Variants in ADCY1 observed in about 807,000 individuals in gnomAD.
ADCY1 encodes the protein adenylate cyclase 1.
ADCY1 carries 28 observed loss-of-function variants against 105.4 expected under a neutral mutation model. The observed-to-expected ratio is 0.27, with a 90% confidence interval of 0.20 to 0.36. ADCY1 has a LOEUF of 0.36. Among genes scored for constraint, ADCY1 ranks in the 10% least tolerant of loss-of-function variants. ADCY1 has a pLI of 1.00. For missense variants in ADCY1, 977 were observed against 1,434.2 expected (o/e 0.68, Z 5.15); for synonymous variants, 655 against 623.8 (o/e 1.05, Z -0.75).
intron 10 of ADCY1, among the ~76,000 whole-genome samples, chr7:45,679,442 A>G (rs760066017): frequency 3.3e-5 from 5 of 152,246 alleles, no homozygotes; most frequent in Non-Finnish European, 7.3e-5. Context: ...AGCCTAAGCT[A>G]GATCTCTGCG....
rs2115683613 is a variant in ADCY1, at chr7:45,575,818, G to A, written c.639+636G>A. Among the ~76,000 whole-genome samples the A allele has an allele frequency of 6.6e-6, 1 of 152,382 alleles. No individual in the cohort carries two copies. On this transcript the variant is annotated intron_variant, in intron 1 of 19. Transcript: ENST00000297323. This position sits in a 1 kb window ranked among gnomAD's most constrained non-coding sequence, Gnocchi z 4.7. ...GCCACTCGGCGGTTGCCCTGACCCTGCCTTTTCTGCGCCCGAACTTTGTCA... is the reference window on the plus strand; with the variant it reads ...GCCACTCGGCGGTTGCCCTGACCCTACCTTTTCTGCGCCCGAACTTTGTCA...
At chr7:45,660,809 G>A (rs796735513) in intron 7 of ADCY1, among the ~76,000 whole-genome samples, 2 of 150,802 alleles carry the variant, frequency 1.3e-5, no homozygotes, top group Non-Finnish European at 3.0e-5. Flanking sequence ...CTCAGGTGAG[G>A]GATTCAGGGC....
In ADCY1 at chr7:45,589,755, C is replaced by A. The variant is rs191222287; in HGVS notation, c.640-3004C>A. On this transcript the variant is annotated intron_variant, in intron 1 of 19. Coordinates refer to ENST00000297323, the MANE Select transcript of ADCY1 (RefSeq NM_021116.4). ...ACCCAGCCCTACTGAAGTGTCCTTTCTGCAGCAGTCTCTTCTCAACCACCC... is the reference window on the plus strand; with the variant it reads ...ACCCAGCCCTACTGAAGTGTCCTTTATGCAGCAGTCTCTTCTCAACCACCC... Among the ~76,000 whole-genome samples, 54 of 152,058 alleles carry A rather than the reference C, an allele frequency of 3.6e-4. No individual in the cohort carries two copies. In the East Asian group the frequency reaches 0.01, roughly 28 times the overall value.
Position 45,704,556 on chromosome 7 carries a change from C to G in ADCY1, c.2757C>G (p.Ile919Met). The G allele has an allele frequency of 6.2e-7, 1 of 1,614,204 alleles. No homozygotes were observed. The highest frequency in any genetic ancestry group is 8.5e-7 in the Non-Finnish European group (1 of 1,180,028). ...ACTTTTACAAGGACATAGAGAAGAT[C>G]AAGACCATCGGGAGCACCTACATGG... ...EKDFYKDIEK[I>M]KTIGSTYMAA... The change falls in exon 17 of 20, where the codon ATC becomes ATG. Residue 919 changes from isoleucine (I) to methionine (M), a missense_variant. Physicochemically the swap from Ile to Met is conservative, Grantham distance 10. Around this residue, in one of 7 missense-constraint regions of ADCY1, gnomAD observed 152 missense variants for 293.7 expected, o/e 0.52. Coordinates refer to ENST00000297323, the MANE Select transcript of ADCY1 (RefSeq NM_021116.4).
intron 11 of ADCY1, among the ~76,000 whole-genome samples, chr7:45,683,416 C>T (rs374120204): frequency 2.6e-5 from 4 of 152,094 alleles, no homozygotes; most frequent in Admixed American, 1.3e-4. Context: ...GGGAGGATTT[C>T]CCTTCACCAT....
Position 45,681,830 on chromosome 7 carries a change from G to A in ADCY1, c.1983+2037G>A, listed in dbSNP as rs545240954. 7.7e-4 allele frequency among the ~76,000 whole-genome samples: 117 copies of A among 152,306 alleles called. 1 individual carries two copies. The highest frequency in any genetic ancestry group is 2.8e-3 in the African/African-American group (115 of 41,554). ...AGGCCATTGTGGCCTGAGTGGACGCGGTGGGTCATGCAGACGGAGTTAGTT... is the reference window on the plus strand; with the variant it reads ...AGGCCATTGTGGCCTGAGTGGACGCAGTGGGTCATGCAGACGGAGTTAGTT... On this transcript the variant is annotated intron_variant, in intron 11 of 19. Transcript: ENST00000297323.
chr7:45,711,888 A>ATTTATATATTATATTAAATATATAAATAT (rs1785248826), intron 19 of ADCY1, among the ~76,000 whole-genome samples: 1 of 68,006 alleles, frequency 1.5e-5, no homozygotes, highest in African/African-American at 7.5e-5. Context: ...ATATAAATAT[A>ATTTATATATTATATTAAATATATAAATAT]TTTATATATT....
At chr7:45,677,669 G>A (rs113564163) in intron 8 of ADCY1, among the ~76,000 whole-genome samples, 200 bp from the exon 9 acceptor site, 45 of 152,274 alleles carry the variant, frequency 3.0e-4, no homozygotes, top group African/African-American at 1.0e-3. Context: ...GCCATTACAG[G>A]TGTGGGAACC....
intron 8 of ADCY1, 36 bp downstream of exon 8, chr7:45,662,250 G>C: frequency 6.3e-7 from 1 of 1,594,966 alleles, no homozygotes; most frequent in Non-Finnish European, 8.5e-7. Context: ...TGCTGGAGCT[G>C]CCAGGGACTG....
At chr7:45,618,764 G>A (rs1225082236) in intron 3 of ADCY1, among the ~76,000 whole-genome samples, 1 of 152,182 alleles carries the variant, frequency 6.6e-6, no homozygotes, top group Non-Finnish European at 1.5e-5. Flanking sequence ...CCAGTTGGTG[G>A]GAATGTAAAT....
intron 8 of ADCY1, among the ~76,000 whole-genome samples, chr7:45,672,443 C>CA (rs1336344155): frequency 6.9e-6 from 1 of 145,484 alleles, no homozygotes; most frequent in Non-Finnish European, 1.5e-5. Flanking sequence ...TTTGCATGAA[C>CA]GTGGTATGCC....
rs1232964826 is a variant in ADCY1, at chr7:45,714,429, G to A, written c.*434G>A. The stretch of plus-strand genomic sequence containing the variant: ...CTGCGAGAGTGTGCCCTCTGAGACA[G>A]CCCTGTCCGCCCCGCCCAGGTGGGA... On this transcript the variant is annotated 3_prime_UTR_variant, in exon 20 of 20. Transcript: ENST00000297323. 2 of 172,654 alleles carry A rather than the reference G, an allele frequency of 1.2e-5. No individual in the cohort carries two copies. The highest frequency in any genetic ancestry group is 2.5e-5 in the Non-Finnish European group (2 of 80,948). 10.7% of individuals were successfully genotyped at this position (172,654 alleles called of 1,614,324 possible). A position where few individuals can be genotyped will look rare whatever the true frequency, so the allele number is the denominator to read the frequency against.
In ADCY1 at chr7:45,574,683, C is replaced by T. The variant is rs1022292664; in HGVS notation, c.140C>T (p.Ala47Val). 3.6e-6 allele frequency: 5 copies of T among 1,390,096 alleles called. No homozygotes were observed. The African/African-American group carries it at 4.6e-5, about 13-fold the overall frequency. 86.1% of individuals were successfully genotyped at this position (1,390,096 alleles called of 1,614,324 possible). A position where few individuals can be genotyped will look rare whatever the true frequency, so the allele number is the denominator to read the frequency against. The change falls in exon 1 of 20, where the codon GCG becomes GTG. Residue 47 changes from alanine (A) to valine (V), a missense_variant. Coordinates refer to ENST00000297323, the MANE Select transcript of ADCY1 (RefSeq NM_021116.4). This position sits in a 1 kb window ranked among gnomAD's most constrained non-coding sequence, Gnocchi z 7.0. ...DEEFACPELE[A>V]LFRGYTLRLE... ...GAGTTCGCTTGCCCAGAGCTGGAGG[C>T]GCTGTTCCGCGGCTACACGCTGCGG...
Position 45,574,942 on chromosome 7 carries a change from C to T in ADCY1, c.399C>T (p.Phe133=). The T allele has an allele frequency of 6.2e-7, 1 of 1,612,054 alleles. No homozygotes were observed. The highest frequency in any genetic ancestry group is 8.5e-7 in the Non-Finnish European group (1 of 1,179,770). ...GQLALLFSLT[F]ALLCCPFALG... Reference sequence around the variant, plus strand: ...TGGCGCTGCTCTTCAGCCTCACCTTCGCGCTGCTCTGCTGTCCTTTCGCGC... The same window carrying T: ...TGGCGCTGCTCTTCAGCCTCACCTTTGCGCTGCTCTGCTGTCCTTTCGCGC... The change falls in exon 1 of 20, where the codon TTC becomes TTT. Residue 133 remains phenylalanine, a synonymous_variant. Transcript: ENST00000297323. This position sits in a 1 kb window ranked among gnomAD's most constrained non-coding sequence, Gnocchi z 7.0.
intron 1 of ADCY1, among the ~76,000 whole-genome samples, chr7:45,578,676 C>G (rs2115698471): frequency 6.6e-6 from 1 of 152,322 alleles, no homozygotes; most frequent in Middle Eastern, 3.4e-3. Flanking sequence ...GGGGCCTGGG[C>G]AGGGCCCCAG....
At chr7:45,644,816 T>C (rs1794616943) in intron 4 of ADCY1, among the ~76,000 whole-genome samples, 1 of 152,212 alleles carries the variant, frequency 6.6e-6, no homozygotes, top group Non-Finnish European at 1.5e-5. Context: ...TTTGATCTCT[T>C]AAGCTTGCTA....
intron 12 of ADCY1, 104 bp from the exon 13 acceptor site, chr7:45,685,858 C>G: frequency 6.9e-7 from 1 of 1,439,132 alleles, no homozygotes; most frequent in Non-Finnish European, 9.3e-7. Flanking sequence ...TGGGTCAGAG[C>G]AAAACCTTGG....
intron 1 of ADCY1, among the ~76,000 whole-genome samples, chr7:45,577,680 A>G (rs535648638): frequency 6.6e-6 from 1 of 152,292 alleles, no homozygotes; most frequent in East Asian, 1.9e-4. Flanking sequence ...AGGATGAAAA[A>G]TGGAGTGAAT....
At chr7:45,685,898 A>G (rs1472862380) in intron 12 of ADCY1, 64 bp from the exon 13 acceptor site, 1 of 1,540,982 alleles carries the variant, frequency 6.5e-7, no homozygotes, top group Non-Finnish European at 8.7e-7. Context: ...ACACCTGAGC[A>G]TGCTTAGGGG....
Sources: allele counts gnomAD v4.1 joint callset (sites outside exome capture counted in the v4.1 genomes callset), GRCh38; gene constraint gnomAD v4.1.1; regional missense constraint gnomAD v4.1.1; non-coding constraint Gnocchi (gnomAD v3.1); transcripts MANE v1.5; gene names NCBI Gene and HGNC (gene_info 2026-07-23, HGNC 2026-07-21).